UBXN4: variants seen among roughly 807,000 people sequenced by gnomAD.
UBXN4 encodes the protein UBX domain-containing protein 4.
Under a neutral mutation model 66.2 loss-of-function variants are expected in UBXN4, and 35 were observed. The ratio of observed to expected loss-of-function variants is 0.53; its 90% CI spans 0.40 to 0.70. The LOEUF (loss-of-function observed/expected upper bound fraction) is 0.70. Ranked by LOEUF, UBXN4 falls within the 30% of genes least tolerant of loss-of-function variation. The pLI is 0.00. For missense variants in UBXN4, 533 were observed against 599.8 expected (o/e 0.89, Z 1.16); for synonymous variants, 203 against 204.5 (o/e 0.99, Z 0.06).
At chr2:135,769,397 GT>G (rs60241067) in intron 6 of UBXN4, among the ~76,000 whole-genome samples, 3,670 of 147,052 alleles carry the variant, frequency 0.025, 134 homozygotes, top group African/African-American at 0.084. Flanking sequence ...ATTTTTACAG[GT>G]TTTTTTTTTT....
chr2:135,773,070 A>G (rs562035170), intron 9 of UBXN4, among the ~76,000 whole-genome samples: 222 of 151,876 alleles, frequency 1.5e-3, no homozygotes, highest in African/African-American at 5.1e-3. Flanking sequence ...AGGGCCCAAT[A>G]AATACCTGTT....
intron 1 of UBXN4, among the ~76,000 whole-genome samples, chr2:135,743,340 G>A (rs561809140): frequency 2.0e-5 from 3 of 152,084 alleles, no homozygotes; most frequent in Non-Finnish European, 2.9e-5. Flanking sequence ...CTGTAATCCC[G>A]TAAGGAAAAA....
intron 9 of UBXN4, among the ~76,000 whole-genome samples, chr2:135,775,220 C>G (rs1450966196): frequency 1.3e-5 from 2 of 152,158 alleles, no homozygotes; most frequent in Non-Finnish European, 2.9e-5. Flanking sequence ...ATGTAGCCAC[C>G]TTGGAAAACA....
chr2:135,765,690 A>T (rs1413718037), intron 6 of UBXN4, among the ~76,000 whole-genome samples: 1 of 151,610 alleles, frequency 6.6e-6, no homozygotes, highest in Non-Finnish European at 1.5e-5. Flanking sequence ...TGCAGACATA[A>T]TTTCACTTCA....
Position 135,747,984 on chromosome 2 carries a change from G to A in UBXN4, c.83-283G>A, listed in dbSNP as rs997629680. On this transcript the variant is annotated intron_variant, in intron 1 of 12. Transcript: ENST00000272638. ...CCAAATAGGCACTGCACCGATGACT[G>A]CTTATTATTGTGGTACTTTGCGCAT... is the stretch of plus-strand genomic sequence containing the variant. The A allele has an allele frequency of 4.5e-5, 15 of 331,720 alleles. No homozygotes were observed. The Admixed American group carries it at 5.5e-4, about 12-fold the overall frequency. 20.5% of individuals were successfully genotyped at this position (331,720 alleles called of 1,614,324 possible).
intron 10 of UBXN4, among the ~76,000 whole-genome samples, chr2:135,777,856 CTG>C (rs2077426332): frequency 6.7e-6 from 1 of 149,878 alleles, no homozygotes; most frequent in African/African-American, 2.5e-5. Flanking sequence ...GTACTCCAGT[CTG>C]TGCAACAGAG....
intron 6 of UBXN4, among the ~76,000 whole-genome samples, chr2:135,768,074 T>TA (rs1197457354): frequency 6.6e-6 from 1 of 152,170 alleles, no homozygotes; most frequent in Non-Finnish European, 1.5e-5. Flanking sequence ...CATTTTCATT[T>TA]AAAAAAATGA....
At chr2:135,755,937 C>T (rs1055680741) in intron 5 of UBXN4, among the ~76,000 whole-genome samples, 7 of 152,188 alleles carry the variant, frequency 4.6e-5, no homozygotes, top group South Asian at 2.1e-4. Flanking sequence ...TCTGCTATTG[C>T]GCTGCATGCT....
chr2:135,782,374 G>A (rs1316556754), intron 12 of UBXN4, among the ~76,000 whole-genome samples: 1 of 152,240 alleles, frequency 6.6e-6, no homozygotes, highest in African/African-American at 2.4e-5. Flanking sequence ...TGGAGCTTTG[G>A]ATAGTCTCTA....
At chr2:135,762,577 A>AT (rs2077322229) in intron 6 of UBXN4, among the ~76,000 whole-genome samples, 1 of 152,218 alleles carries the variant, frequency 6.6e-6, no homozygotes, top group Non-Finnish European at 1.5e-5. Flanking sequence ...GTTCACATAG[A>AT]TGCTTCGGGG....
chr2:135,748,724 CA>C (rs34276326), intron 2 of UBXN4, among the ~76,000 whole-genome samples: 27,387 of 131,594 alleles, frequency 0.21, 4,553 homozygotes, highest in African/African-American at 0.48. Flanking sequence ...AACTCTGTCT[CA>C]AAAAAAAAAA....
At chr2:135,777,205 T>C (rs564181227) in intron 10 of UBXN4, among the ~76,000 whole-genome samples, 9 of 152,356 alleles carry the variant, frequency 5.9e-5, no homozygotes, top group African/African-American at 2.2e-4. Flanking sequence ...TTTCAATTTA[T>C]TTTTATTCCC....
intron 5 of UBXN4, among the ~76,000 whole-genome samples, chr2:135,758,860 G>A (rs1468349867): frequency 6.6e-6 from 1 of 152,002 alleles, no homozygotes; most frequent in African/African-American, 2.4e-5. Flanking sequence ...CCAGGTTCAA[G>A]TGATTCTCCT....
chr2:135,742,165 T>C (rs970886636), intron 1 of UBXN4, among the ~76,000 whole-genome samples, 154 bp downstream of exon 1: 41 of 152,082 alleles, frequency 2.7e-4, no homozygotes, highest in Admixed American at 1.3e-4. Context: ...CAGGGACGGC[T>C]GCGACTCCGC....
At chr2:135,742,079 C>T (rs901019784) in intron 1 of UBXN4, 68 bp downstream of exon 1, 22 of 1,536,522 alleles carry the variant, frequency 1.4e-5, no homozygotes, top group African/African-American at 2.8e-5. Context: ...CTCTTGTATA[C>T]CTCAGCCGCC....
In UBXN4 at chr2:135,755,625, CA is replaced by C; in HGVS notation, c.443del (p.Gln148ArgfsTer55). 1 of 1,609,074 alleles carries C rather than the reference CA, an allele frequency of 6.2e-7. No homozygotes were observed. Among genetic ancestry groups the C allele is most frequent in the South Asian group, 1.1e-5 (1 of 90,272 alleles). ...FEPNNTCENS[Q>X]SRNAELCEIP... is the part of the protein sequence containing the mutation. ...ACCTAACAACACTTGTGAAAACTCT[CA>C]GTCCAGAAATGCAGAGCTTTGTGAG... On this transcript the variant is annotated frameshift_variant, in exon 5 of 13. Transcript: ENST00000272638. LOFTEE classifies it high-confidence loss of function.
In UBXN4 at chr2:135,742,132, A is replaced by C. The variant is rs557874721; in HGVS notation, c.82+121A>C. ...ACGCGGGCTCCTGTCGGCTCGCACA[A>C]TTGCCACTACTACCCCGCGCCCCAG... is the stretch of plus-strand genomic sequence containing the variant. On this transcript the variant is annotated intron_variant, in intron 1 of 12. Transcript: ENST00000272638. The C allele has an allele frequency of 4.2e-6, 5 of 1,183,372 alleles. No homozygotes were observed. The African/African-American group carries it at 6.2e-5, about 15-fold the overall frequency. 73.3% of individuals were successfully genotyped at this position (1,183,372 alleles called of 1,614,324 possible).
At chr2:135,745,875 C>CTTTTTTTTATTT in intron 1 of UBXN4, among the ~76,000 whole-genome samples, 1 of 74,398 alleles carries the variant, frequency 1.3e-5, no homozygotes, top group Non-Finnish European at 2.3e-5. Flanking sequence ...GTCCCGTTTA[C>CTTTTTTTTATTT]TTTTTTTTTT....
intron 2 of UBXN4, among the ~76,000 whole-genome samples, chr2:135,748,680 A>C (rs975309638): frequency 1.3e-5 from 2 of 151,244 alleles, no homozygotes; most frequent in Admixed American, 6.6e-5. Context: ...AGCTGTGATC[A>C]TGCCACTGCA....
Sources: gnomAD v4.1 joint callset for allele counts (sites outside exome capture counted in the v4.1 genomes callset) on GRCh38, gnomAD v4.1.1 for gene constraint, MANE v1.5 for transcripts, NCBI Gene and HGNC (gene_info 2026-07-23, HGNC 2026-07-21) for gene names.